ASPM: variants seen among roughly 807,000 people sequenced by gnomAD.
ASPM encodes the protein abnormal spindle-like microcephaly-associated protein.
In ASPM, 256 loss-of-function variants were observed where a neutral mutation model predicts 366.4. The observed-to-expected ratio is 0.70, with a 90% CI of 0.63 to 0.77. The LOEUF is 0.77. ASPM is among the 30% of genes least tolerant of loss of function. The probability of loss-of-function intolerance (pLI) is 0.00; values close to 1 mark genes in which losing one functional copy is unlikely to be tolerated. For synonymous variants in ASPM, 1,414 were observed against 1,342.9 expected (o/e 1.05, Z -1.16); for missense variants, 4,146 against 4,090.4 (o/e 1.01, Z -0.37).
At chr1:197,127,437 A>AAT (rs1213186763) in intron 10 of ASPM, among the ~76,000 whole-genome samples, 1 of 152,222 alleles carries the variant, frequency 6.6e-6, no homozygotes, top group Non-Finnish European at 1.5e-5. Context: ...GTTTTGAGGC[A>AAT]TAGCAACTTC....
At chr1:197,088,865 A>T (rs1215321619) in intron 25 of ASPM, among the ~76,000 whole-genome samples, 2 of 152,068 alleles carry the variant, frequency 1.3e-5, no homozygotes, top group Non-Finnish European at 2.9e-5. Flanking sequence ...CTTGAGAGGA[A>T]GAAGAGCTTG....
At position 197,086,853 on chromosome 1, in the gene ASPM, T is replaced by A. The variant is rs1328701609; in HGVS notation, c.10281A>T (p.Ile3427=). 6.2e-7 allele frequency: 1 copy of A among 1,612,004 alleles called. No homozygotes were observed. The highest frequency in any genetic ancestry group is 1.3e-5 in the African/African-American group (1 of 74,984). The change falls in exon 27 of 28, where the codon ATA becomes ATT. Residue 3427 remains isoleucine, a synonymous_variant. Coordinates refer to ENST00000367409, the MANE Select transcript of ASPM (RefSeq NM_018136.5). ...ILYKQKKNSS[I]SIPFIPETPV... ...GTGTTTCTGGGATAAAAGGAATGCTTATAGAAGAATTCTTCTTTTGCTTGT... is the reference window on the plus strand; with the variant it reads ...GTGTTTCTGGGATAAAAGGAATGCTAATAGAAGAATTCTTCTTTTGCTTGT...
chr1:197,103,326 G>T lies in ASPM; in HGVS notation c.5925C>A (p.Ile1975=). The change falls in exon 18 of 28, where the codon ATC becomes ATA. Residue 1975 remains isoleucine (I), a synonymous_variant. Transcript: ENST00000367409. ...RQLQRQHKCA[I]IIQSYYRMHV... ...GCATTCTATAGTATGACTGTATGAT[G>T]ATAGCACATTTATGTTGCCTTTGAA... The T allele has an allele frequency of 6.2e-7, 1 of 1,613,090 alleles. No homozygotes were observed. The highest frequency in any genetic ancestry group is 2.2e-5 in the East Asian group (1 of 44,842).
At position 197,109,757 on chromosome 1, in the gene ASPM, G is replaced by A. The variant is rs139856114; in HGVS notation, c.4066-4572C>T. 5.9e-3 allele frequency among the ~76,000 whole-genome samples: 890 copies of A among 151,838 alleles called. 10 individuals carry two copies. Among genetic ancestry groups the A allele is most frequent in the African/African-American group, 0.02 (841 of 41,452 alleles). Reference sequence around the variant, plus strand: ...AGAAATAAGTGAGTTTTTTTAACAGGATTAATAGTTAACCCTTTTATATGT... The same window carrying A: ...AGAAATAAGTGAGTTTTTTTAACAGAATTAATAGTTAACCCTTTTATATGT... On this transcript the variant is annotated intron_variant, in intron 17 of 27. Coordinates refer to ENST00000367409, the MANE Select transcript of ASPM (RefSeq NM_018136.5).
intron 1 of ASPM, 100 bp from the exon 2 acceptor site, chr1:197,144,200 T>C: frequency 1.2e-6 from 1 of 822,808 alleles, no homozygotes. Flanking sequence ...TAATAATTGT[T>C]AACCAACACT....
At chr1:197,130,159 C>A in intron 7 of ASPM, 103 bp from the exon 8 acceptor site, 1 of 1,211,466 alleles carries the variant, frequency 8.3e-7, no homozygotes, top group African/African-American at 1.5e-5. Flanking sequence ...TGGCAATGTT[C>A]TACTTTCTAA....
At chr1:197,134,992 C>T (rs1349523448) in intron 5 of ASPM, 104 bp downstream of exon 5, 24 of 935,886 alleles carry the variant, frequency 2.6e-5, no homozygotes, top group Non-Finnish European at 3.4e-5. Flanking sequence ...GGGAATTATG[C>T]CATTAATTAT....
chr1:197,111,694 G>A (rs1657589285), intron 17 of ASPM, among the ~76,000 whole-genome samples: 1 of 151,340 alleles, frequency 6.6e-6, no homozygotes, highest in Non-Finnish European at 1.5e-5. Context: ...CATCAACAGT[G>A]GACTGGATAA....
chr1:197,118,855 T>G (rs1399183042), intron 16 of ASPM, among the ~76,000 whole-genome samples: 2 of 152,170 alleles, frequency 1.3e-5, no homozygotes, highest in Non-Finnish European at 2.9e-5. Context: ...ACTAGATTTC[T>G]CAATTTACTT....
intron 7 of ASPM, among the ~76,000 whole-genome samples, chr1:197,131,391 A>C (rs890858831): frequency 6.6e-6 from 1 of 152,236 alleles, no homozygotes; most frequent in African/African-American, 2.4e-5. Context: ...TTAAACAGCC[A>C]ATTACTAATA....
Position 197,100,996 on chromosome 1 carries a change from A to C in ASPM, c.8255T>G (p.Met2752Arg), listed in dbSNP as rs148328539. 585 of 1,612,460 alleles carry C rather than the reference A, an allele frequency of 3.6e-4. 1 individual carries two copies. In the African/African-American group the frequency reaches 7.0e-3, roughly 19 times the overall value. Residue 2752 changes from methionine (M) to arginine (R), a missense_variant, in exon 18 of 28, where the codon ATG becomes AGG. Around this residue, in one of 3 missense-constraint regions of ASPM, gnomAD observed 3,624 missense variants for 3,591.7 expected, o/e 1.01. Transcript: ENST00000367409. ...VRTIQAAFRG[M>R]KVRQKLKNVS... Reference sequence around the variant, plus strand: ...ATTTTTCAATTTTTGTCTAACTTTCATGCCTCTAAAAGCAGCCTGAATAGT... The same window carrying C: ...ATTTTTCAATTTTTGTCTAACTTTCCTGCCTCTAAAAGCAGCCTGAATAGT...
chr1:197,134,633 T>G (rs1236665085), intron 5 of ASPM, among the ~76,000 whole-genome samples: 2 of 152,232 alleles, frequency 1.3e-5, no homozygotes, highest in African/African-American at 4.8e-5. Flanking sequence ...TCCTTCTCTT[T>G]CACAAGAAAA....
rs1233699228 is a variant in ASPM at position 197,125,063 on chromosome 1, T to C, written c.3065A>G (p.Glu1022Gly). ...VLQVLKSRGIELSDEHGNTIL... is the reference protein window; with the variant it reads ...VLQVLKSRGIGLSDEHGNTIL... ...GTTTTTACCATGCTCATCACTTAAT[T>C]CAATTCCTCGTGATTTAAGAACTTG... Residue 1022 changes from glutamate to glycine, a missense_variant, in exon 11 of 28, where the codon GAA becomes GGA. Physicochemically the swap from Glu to Gly is moderately conservative, Grantham distance 98. Transcript: ENST00000367409. 1 of 1,614,034 alleles carries C rather than the reference T, an allele frequency of 6.2e-7. No homozygotes were observed. The highest frequency in any genetic ancestry group is 1.3e-5 in the African/African-American group (1 of 75,032).
In ASPM at chr1:197,100,616, A is replaced by C; in HGVS notation, c.8635T>G (p.Phe2879Val). 6.2e-7 allele frequency: 1 copy of C among 1,612,066 alleles called. No individual in the cohort carries two copies. Among genetic ancestry groups the C allele is most frequent in the East Asian group, 2.2e-5 (1 of 44,778 alleles). ...ACTGCTGCTTTTCTATATAGTAAAA[A>C]CTGTTTTCTGGTTTGCCACGTCCTA... ...YFRTWQTRKQFLLYRKAAVVL... is the reference protein window; with the variant it reads ...YFRTWQTRKQVLLYRKAAVVL... Residue 2879 changes from phenylalanine to valine, a missense_variant, in exon 18 of 28, where the codon TTT becomes GTT. Phe to Val is a conservative substitution (Grantham distance 50). Around this residue, in one of 3 missense-constraint regions of ASPM, gnomAD observed 3,624 missense variants for 3,591.7 expected, o/e 1.01. Coordinates refer to ENST00000367409, the MANE Select transcript of ASPM (RefSeq NM_018136.5).
intron 21 of ASPM, 36 bp downstream of exon 21, chr1:197,093,016 T>G: frequency 3.3e-6 from 5 of 1,534,088 alleles, no homozygotes; most frequent in Non-Finnish European, 4.5e-6. Context: ...TGCTTTCATT[T>G]TATAAGAATG....
chr1:197,124,051 G>A (rs1197203197), intron 13 of ASPM, 59 bp downstream of exon 13: 1 of 1,427,838 alleles, frequency 7.0e-7, no homozygotes, highest in African/African-American at 1.4e-5. Context: ...AAGTTTAAGT[G>A]ACTTTCATCA....
chr1:197,142,991 G>C lies in ASPM; in HGVS notation c.1261C>G (p.Gln421Glu). 6.2e-7 allele frequency: 1 copy of C among 1,613,850 alleles called. No individual in the cohort carries two copies. Among genetic ancestry groups the C allele is most frequent in the Non-Finnish European group, 8.5e-7 (1 of 1,179,850 alleles). ...CAATCTTCAGGAGACTGTGGGACTT[G>C]AGAATTTTCATTTGATAATGGTACT... ...CKVPLSNENS[Q>E]VPQSPEDWRK... is the part of the protein sequence containing the mutation. Residue 421 changes from glutamine (Q) to glutamate (E), a missense_variant, in exon 3 of 28, where the codon CAA becomes GAA. Gln to Glu is a conservative substitution (Grantham distance 29). This residue lies in a region of ASPM where 3,624 missense variants were observed against 3,591.7 expected (regional missense o/e 1.01). Coordinates refer to ENST00000367409, the MANE Select transcript of ASPM (RefSeq NM_018136.5).
rs182155178 is a variant in ASPM, at chr1:197,132,483, T to A, written c.2420-131A>T. On this transcript the variant is annotated intron_variant, in intron 6 of 27. Coordinates refer to ENST00000367409, the MANE Select transcript of ASPM (RefSeq NM_018136.5). ...ATGAAATAAGTTAATTTAAATAAAA[T>A]ACACTTATAGTCTTAAATATACATG... 5.4e-4 allele frequency: 401 copies of A among 745,126 alleles called. 5 individuals carry two copies. Among genetic ancestry groups the A allele is most frequent in the Non-Finnish European group, 1.2e-4 (52 of 443,192 alleles). The allele number at this position is 745,126 out of a possible 1,614,324, so 46.2% of individuals were successfully genotyped here. A position where few individuals can be genotyped will look rare whatever the true frequency, so the allele number is the denominator to read the frequency against.
chr1:197,142,450 C>T lies in ASPM; in HGVS notation c.1802G>A (p.Arg601Lys). The T allele has an allele frequency of 6.2e-7, 1 of 1,613,912 alleles. No homozygotes were observed. The highest frequency in any genetic ancestry group is 8.5e-7 in the Non-Finnish European group (1 of 1,179,814). Residue 601 changes from arginine (R) to lysine (K), a missense_variant, in exon 3 of 28, where the codon AGA becomes AAA. Physicochemically the swap from Arg to Lys is conservative, Grantham distance 26. Transcript: ENST00000367409. ...TEHTEVREIK[R>K]IHFSPSEPKT... is the part of the protein sequence containing the mutation. ...AGGCTCTGAGGGAGAAAAATGGATT[C>T]TTTTGATTTCTCGCACTTCTGTATG...
Sources: allele counts gnomAD v4.1 joint callset (sites outside exome capture counted in the v4.1 genomes callset), GRCh38; gene constraint gnomAD v4.1.1; regional missense constraint gnomAD v4.1.1; transcripts MANE v1.5; gene names NCBI Gene and HGNC (gene_info 2026-07-23, HGNC 2026-07-21).